GNAO1: variants seen among roughly 807,000 people sequenced by gnomAD.
The protein encoded by GNAO1 is guanine nucleotide-binding protein G(o) subunit alpha.
For missense variants in GNAO1, 166 were observed against 478.7 expected, an observed-to-expected ratio of 0.35 and a Z score of 6.10; for synonymous variants, 164 against 180.7, an observed-to-expected ratio of 0.91 and a Z score of 0.74.
In GNAO1 at chr16:56,351,470, C is replaced by T; in HGVS notation, c.810C>T (p.Asn270=). Residue 270 remains asparagine (N), a synonymous_variant, in exon 7 of 9, where the codon AAC becomes AAT. Transcript: ENST00000262493. The surrounding 1 kb of genome is among the most constrained non-coding windows in gnomAD (Gnocchi z 6.1). ...FIDTSIILFL[N]KKDLFGEKIK... ...ATACCTCCATCATTCTCTTCCTCAA[C>T]AAGAAAGATCTCTTTGGCGAGAAGA... 1 of 1,610,590 alleles carries T rather than the reference C, an allele frequency of 6.2e-7. No individual in the cohort carries two copies. The highest frequency in any genetic ancestry group is 8.5e-7 in the Non-Finnish European group (1 of 1,176,776).
At position 56,346,074 on chromosome 16, in the gene GNAO1, C is replaced by G. The variant is rs919189208; in HGVS notation, c.724-5310C>G. 4.1e-6 allele frequency: 4 copies of G among 985,472 alleles called. No individual in the cohort carries two copies. The African/African-American group carries it at 7.0e-5, about 17-fold the overall frequency. 61.0% of individuals were successfully genotyped at this position (985,472 alleles called of 1,614,324 possible). A position where few individuals can be genotyped will look rare whatever the true frequency, so the allele number is the denominator to read the frequency against. On this transcript the variant is annotated intron_variant, in intron 6 of 8. Transcript: ENST00000262493. ...AGCCCTTCCTGCCCTCCATCCCCAG[C>G]CTGCCTTTCTCTTCCTTTGGATGCT...
chr16:56,276,085 G>T lies in GNAO1; in HGVS notation c.303+13G>T, dbSNP rs772254603. 1 of 1,609,384 alleles carries T rather than the reference G, an allele frequency of 6.2e-7. No individual in the cohort carries two copies. Among genetic ancestry groups the T allele is most frequent in the East Asian group, 2.2e-5 (1 of 44,850 alleles). On this transcript the variant is annotated intron_variant, in intron 3 of 8. Transcript: ENST00000262493. ...TAAGGAGAGAAAGGTAGGCCCCTGA[G>T]CCCATAAGCACAGCAACAAGAGGTT...
chr16:56,244,366 T>TAA (rs55668135), intron 2 of GNAO1, among the ~76,000 whole-genome samples: 1,910 of 139,722 alleles, frequency 0.014, 35 homozygotes, highest in African/African-American at 0.042. Context: ...ACACTTAGCA[T>TAA]AAAAAAAAAA....
chr16:56,236,585 A>T (rs2036639010), intron 2 of GNAO1, among the ~76,000 whole-genome samples: 1 of 152,104 alleles, frequency 6.6e-6, no homozygotes, highest in Non-Finnish European at 1.5e-5. Context: ...CTGCAAAAAA[A>T]CCTGACTCCC....
At chr16:56,251,615 A>G (rs1277360887) in intron 2 of GNAO1, among the ~76,000 whole-genome samples, 1 of 152,180 alleles carries the variant, frequency 6.6e-6, no homozygotes, top group Non-Finnish European at 1.5e-5. Context: ...TCCTTTATAA[A>G]GAAGAGCTTG....
chr16:56,346,812 T>C (rs1283859505), intron 6 of GNAO1: 6 of 985,314 alleles, frequency 6.1e-6, no homozygotes, highest in Non-Finnish European at 7.2e-6. Context: ...TGAGTATTCT[T>C]AGGAGCAGAG....
intron 2 of GNAO1, among the ~76,000 whole-genome samples, chr16:56,208,450 C>T (rs62036911): frequency 6.5e-3 from 285 of 43,766 alleles, no homozygotes; most frequent in African/African-American, 0.012. Flanking sequence ...TGTGTGTGTG[C>T]GCGCGCGCGC....
At chr16:56,347,453 A>G (rs2037881355) in intron 6 of GNAO1, 6 of 985,362 alleles carry the variant, frequency 6.1e-6, no homozygotes, top group Non-Finnish European at 7.2e-6. Context: ...CCCACCCCTC[A>G]GCAAGAAGAG....
At chr16:56,344,898 C>G in intron 6 of GNAO1, 1 of 985,282 alleles carries the variant, frequency 1.0e-6, no homozygotes, top group Non-Finnish European at 1.2e-6. Flanking sequence ...AGGGGGTGGA[C>G]TTTTGCAGCC....
Position 56,224,785 on chromosome 16 carries a change from C to T in GNAO1, c.161+32169C>T, listed in dbSNP as rs183887735. 3.2e-3 allele frequency among the ~76,000 whole-genome samples: 486 copies of T among 152,376 alleles called. 11 individuals are homozygous for T. The highest frequency in any genetic ancestry group is 5.4e-4 in the Non-Finnish European group (37 of 68,038). On this transcript the variant is annotated intron_variant, in intron 2 of 8. Transcript: ENST00000262493. ...CCCGGCCCAGGACTTGGGTTTTAGTCTGCCCATTTACACTTACGGCTTTGT... is the reference window on the plus strand; with the variant it reads ...CCCGGCCCAGGACTTGGGTTTTAGTTTGCCCATTTACACTTACGGCTTTGT...
In GNAO1 at chr16:56,225,602, G is replaced by A. The variant is rs145408735; in HGVS notation, c.161+32986G>A. Among the ~76,000 whole-genome samples the A allele has an allele frequency of 4.6e-5, 7 of 152,252 alleles. No individual in the cohort carries two copies. The East Asian group carries it at 1.4e-3, about 29-fold the overall frequency. On this transcript the variant is annotated intron_variant, in intron 2 of 8. Transcript: ENST00000262493. ...TGATGGGGCTGGAGCCATCTTCTCT[G>A]CCTTCTAATGGGAGGGTGGAGTTCA...
chr16:56,328,682 C>T lies in GNAO1; in HGVS notation c.355C>T (p.Pro119Ser). The T allele has an allele frequency of 6.2e-7, 1 of 1,614,166 alleles. No individual in the cohort carries two copies. Among genetic ancestry groups the T allele is most frequent in the Non-Finnish European group, 8.5e-7 (1 of 1,180,000 alleles). The change falls in exon 4 of 9, where the codon CCC (proline) becomes TCC (serine). Residue 119 changes from proline (P) to serine (S), a missense_variant. By Grantham distance (74) the Pro-to-Ser change is moderately conservative (BLOSUM62 -1). Coordinates refer to ENST00000262493, the MANE Select transcript of GNAO1 (RefSeq NM_020988.3). ...GGTGAGTCGGATGGAAGACACCGAG[C>T]CCTTCTCTGCAGAGCTGCTTTCTGC... ...DVVSRMEDTE[P>S]FSAELLSAMM...
chr16:56,341,653 G>C (rs565135312), intron 6 of GNAO1, among the ~76,000 whole-genome samples: 70 of 152,362 alleles, frequency 4.6e-4, no homozygotes, highest in African/African-American at 1.7e-3. Flanking sequence ...GGGTGCTGGG[G>C]ATGAGAGGCC....
intron 6 of GNAO1, chr16:56,347,862 G>T (rs866627782): frequency 3.1e-6 from 3 of 981,458 alleles, no homozygotes; most frequent in African/African-American, 3.6e-5. Context: ...CTGCCTCCTG[G>T]TCTTCTCTAC....
At chr16:56,234,385 A>C (rs1208173957) in intron 2 of GNAO1, among the ~76,000 whole-genome samples, 1 of 152,252 alleles carries the variant, frequency 6.6e-6, no homozygotes, top group Non-Finnish European at 1.5e-5. Context: ...GGGGCAGTTC[A>C]GACTGATCTC....
rs896776744 is a variant in GNAO1 at position 56,326,339 on chromosome 16, T to C, written c.304-2292T>C. ...GGAGAGTGGTCTGAGCAAAGTCCTG[T>C]CAGCCACAGAGACATGTGAAGAGCA... On this transcript the variant is annotated intron_variant, in intron 3 of 8. Transcript: ENST00000262493. This position sits in a 1 kb window ranked among gnomAD's most constrained non-coding sequence, Gnocchi z 4.8. Among the ~76,000 whole-genome samples, 5 of 152,194 alleles carry C rather than the reference T, an allele frequency of 3.3e-5. No individual in the cohort carries two copies. The highest frequency in any genetic ancestry group is 1.2e-4 in the African/African-American group (5 of 41,440).
chr16:56,223,394 T>C (rs1347699578), intron 2 of GNAO1, among the ~76,000 whole-genome samples: 3 of 152,272 alleles, frequency 2.0e-5, no homozygotes, highest in Admixed American at 1.3e-4. Flanking sequence ...TCCATTGTTA[T>C]ATCTCTCTCT....
chr16:56,214,811 C>T lies in GNAO1; in HGVS notation c.161+22195C>T, dbSNP rs575628528. ...TCACTTCTTCCCAACACTTGCGTAC[C>T]GGGTGTTTCTGTCCCATGGCCTGTG... On this transcript the variant is annotated intron_variant, in intron 2 of 8. Transcript: ENST00000262493. 9.2e-5 allele frequency among the ~76,000 whole-genome samples: 14 copies of T among 152,356 alleles called. No individual in the cohort carries two copies. The South Asian group carries it at 1.0e-3, about 11-fold the overall frequency.
intron 2 of GNAO1, chr16:56,193,741 G>A (rs1245352044): frequency 4.2e-6 from 1 of 238,000 alleles, no homozygotes; most frequent in South Asian, 5.2e-5. Flanking sequence ...GGGGTGGCCG[G>A]CAGCGAAGGG....
Sources: allele counts gnomAD v4.1 joint callset (sites outside exome capture counted in the v4.1 genomes callset), GRCh38; gene constraint gnomAD v4.1.1; non-coding constraint Gnocchi (gnomAD v3.1); transcripts MANE v1.5; gene names NCBI Gene and HGNC (gene_info 2026-07-23, HGNC 2026-07-21).